CDC42EP3: variants seen among roughly 807,000 people sequenced by gnomAD.
CDC42EP3 encodes the protein CDC42 effector protein 3.
A neutral mutation model predicts 15.5 loss-of-function variants in CDC42EP3; 4 were observed. That is an observed-to-expected ratio of 0.26 (90% confidence interval 0.13 to 0.59). CDC42EP3 has a LOEUF of 0.59. Among genes scored for constraint, CDC42EP3 ranks in the 20% least tolerant of loss-of-function variants. CDC42EP3 has a pLI of 0.89. For synonymous variants in CDC42EP3, 145 were observed against 130.3 expected, an observed-to-expected ratio of 1.11 and a Z score of -0.77; for missense variants, 309 against 311.2, an observed-to-expected ratio of 0.99 and a Z score of 0.05.
chr2:37,642,711 T>C lies in CDC42EP3; in HGVS notation c.*3112A>G, dbSNP rs1359236438. The C allele has an allele frequency of 2.0e-5, 3 of 152,188 alleles. No homozygotes were observed. The allele number at this position is 152,188 out of a possible 1,614,324, so 9.4% of individuals were successfully genotyped here. A position where few individuals can be genotyped will look rare whatever the true frequency, so the allele number is the denominator to read the frequency against. ...GTTCTAAAATATTTATCAAGTTAAT[T>C]TATGGACTTATGGATTTTTTCCATT... is the stretch of plus-strand genomic sequence containing the variant. On this transcript the variant is annotated 3_prime_UTR_variant, in exon 2 of 2. Coordinates refer to ENST00000295324, the MANE Select transcript of CDC42EP3 (RefSeq NM_006449.5).
chr2:37,648,538 C>G (rs56344180), intron 1 of CDC42EP3, among the ~76,000 whole-genome samples: 1 of 152,114 alleles, frequency 6.6e-6, no homozygotes, highest in East Asian at 1.9e-4. Context: ...CAACCCAGGC[C>G]GGAGAAGGCT....
chr2:37,657,376 T>C (rs757622089), intron 1 of CDC42EP3, among the ~76,000 whole-genome samples: 9 of 152,186 alleles, frequency 5.9e-5, no homozygotes, highest in African/African-American at 9.7e-5. Flanking sequence ...TTGTATTATG[T>C]GATTTGTTGT....
At chr2:37,654,704 C>T (rs1665794425) in intron 1 of CDC42EP3, among the ~76,000 whole-genome samples, 1 of 152,178 alleles carries the variant, frequency 6.6e-6, no homozygotes, top group Non-Finnish European at 1.5e-5. Context: ...CCTTGTAGTC[C>T]CATGTCACTT....
intron 1 of CDC42EP3, among the ~76,000 whole-genome samples, chr2:37,651,278 CTAT>C (rs1199122384): frequency 1.4e-4 from 22 of 152,154 alleles, no homozygotes; most frequent in African/African-American, 5.1e-4. Context: ...AGAAATTTCA[CTAT>C]CCTTTTATGA....
At chr2:37,670,410 C>A (rs1666370559) in intron 1 of CDC42EP3, among the ~76,000 whole-genome samples, 1 of 152,136 alleles carries the variant, frequency 6.6e-6, no homozygotes, top group East Asian at 1.9e-4. Context: ...CAGCCCACTC[C>A]TCCAAATACG....
chr2:37,655,363 C>T (rs1665814500), intron 1 of CDC42EP3, among the ~76,000 whole-genome samples: 2 of 152,220 alleles, frequency 1.3e-5, no homozygotes, highest in Non-Finnish European at 2.9e-5. Flanking sequence ...ATGTGAGACT[C>T]AGTGCTAATT....
chr2:37,670,007 C>T (rs1666355460), intron 1 of CDC42EP3, among the ~76,000 whole-genome samples: 1 of 152,106 alleles, frequency 6.6e-6, no homozygotes, highest in African/African-American at 2.4e-5. Context: ...ACACAAATTG[C>T]AGGGGGTATG....
chr2:37,642,661 C>T lies in CDC42EP3; in HGVS notation c.*3162G>A, dbSNP rs1665306074. The T allele has an allele frequency of 6.6e-6, 1 of 152,206 alleles. No homozygotes were observed. 9.4% of individuals were successfully genotyped at this position (152,206 alleles called of 1,614,324 possible). ...TTCCATATTAGGAGGATTAGAACTA[C>T]ATCACTCAATATTTTCTTTTGTCTG... On this transcript the variant is annotated 3_prime_UTR_variant, in exon 2 of 2. Coordinates refer to ENST00000295324, the MANE Select transcript of CDC42EP3 (RefSeq NM_006449.5).
Position 37,646,182 on chromosome 2 carries a change from C to A in CDC42EP3, c.406G>T (p.Gly136Trp). Residue 136 changes from glycine to tryptophan, a missense_variant, in exon 2 of 2, where the codon GGG becomes TGG. Physicochemically the swap from Gly to Trp is radical, Grantham distance 184. Transcript: ENST00000295324. ...VTFNSKQESF[G>W]PAKLPRLSCE... is the part of the protein sequence containing the mutation. Reference sequence around the variant, plus strand: ...CTAAGCCTGGGCAGCTTTGCTGGCCCGAAGGACTCCTGTTTGGAATTAAAT... The same window carrying A: ...CTAAGCCTGGGCAGCTTTGCTGGCCAGAAGGACTCCTGTTTGGAATTAAAT... 1 of 1,614,102 alleles carries A rather than the reference C, an allele frequency of 6.2e-7. No individual in the cohort carries two copies. Among genetic ancestry groups the A allele is most frequent in the Non-Finnish European group, 8.5e-7 (1 of 1,180,014 alleles).
intron 1 of CDC42EP3, among the ~76,000 whole-genome samples, chr2:37,648,996 C>G (rs904900327): frequency 6.6e-6 from 1 of 151,762 alleles, no homozygotes; most frequent in Admixed American, 6.6e-5. Flanking sequence ...AACTCAAGGG[C>G]ATGCCAGGGC....
chr2:37,648,594 A>G (rs1383555123), intron 1 of CDC42EP3, among the ~76,000 whole-genome samples: 1 of 152,180 alleles, frequency 6.6e-6, no homozygotes, highest in Non-Finnish European at 1.5e-5. Context: ...GGCTTTGGGT[A>G]TGGGGAGGAG....
chr2:37,653,481 G>A (rs1054041892), intron 1 of CDC42EP3, among the ~76,000 whole-genome samples: 2 of 152,050 alleles, frequency 1.3e-5, no homozygotes, highest in Non-Finnish European at 2.9e-5. Flanking sequence ...AAACTGAAGC[G>A]GTGCTTTGCT....
Position 37,644,033 on chromosome 2 carries a change from T to C in CDC42EP3, c.*1790A>G, listed in dbSNP as rs1181376548. ...TTTATTTTTTTAAGCTCATCAACTATGGTTAGTGTTAGTGTGTTTTACATG... is the reference window on the plus strand; with the variant it reads ...TTTATTTTTTTAAGCTCATCAACTACGGTTAGTGTTAGTGTGTTTTACATG... On this transcript the variant is annotated 3_prime_UTR_variant, in exon 2 of 2. Coordinates refer to ENST00000295324, the MANE Select transcript of CDC42EP3 (RefSeq NM_006449.5). 4.6e-5 allele frequency: 7 copies of C among 151,238 alleles called. No homozygotes were observed. Among genetic ancestry groups the C allele is most frequent in the Admixed American group, 1.3e-4 (2 of 15,140 alleles). 9.4% of individuals were successfully genotyped at this position (151,238 alleles called of 1,614,324 possible).
intron 1 of CDC42EP3, among the ~76,000 whole-genome samples, chr2:37,665,182 C>T (rs1666211996): frequency 6.6e-6 from 1 of 151,928 alleles, no homozygotes; most frequent in African/African-American, 2.4e-5. Context: ...GGAGAAGATA[C>T]AAGACACTAT....
Position 37,646,578 on chromosome 2 carries a change from T to C in CDC42EP3, c.10A>G (p.Lys4Glu). Residue 4 changes from lysine to glutamate, a missense_variant, in exon 2 of 2, where the codon AAG becomes GAG. Physicochemically the swap from Lys to Glu is moderately conservative, Grantham distance 56. Transcript: ENST00000295324. ...GCTGCTTTCAGGTAAATTGGGGTCT[T>C]GGCTGGCATTTTGGAATTTGAGAAT... is the stretch of plus-strand genomic sequence containing the variant. MPA[K>E]TPIYLKAANN... 1 of 1,535,506 alleles carries C rather than the reference T, an allele frequency of 6.5e-7. No individual in the cohort carries two copies. The highest frequency in any genetic ancestry group is 8.7e-7 in the Non-Finnish European group (1 of 1,145,484).
At chr2:37,670,167 AG>A (rs1666361766) in intron 1 of CDC42EP3, among the ~76,000 whole-genome samples, 1 of 152,142 alleles carries the variant, frequency 6.6e-6, no homozygotes, top group Non-Finnish European at 1.5e-5. Flanking sequence ...GTTCCTGGTG[AG>A]TCTTTTTTCT....
rs1371726390 is a variant in CDC42EP3, at chr2:37,671,578, T to C, written c.-388A>G. On this transcript the variant is annotated 5_prime_UTR_variant, in exon 1 of 2. Coordinates refer to ENST00000295324, the MANE Select transcript of CDC42EP3 (RefSeq NM_006449.5). Reference sequence around the variant, plus strand: ...ACGGCGTGAAGGCGCCCCAGGCCGGTGGCCGGGTCTCCGGGCTAGCCCCGC... The same window carrying C: ...ACGGCGTGAAGGCGCCCCAGGCCGGCGGCCGGGTCTCCGGGCTAGCCCCGC... The C allele has an allele frequency of 6.6e-6, 1 of 151,912 alleles. No individual in the cohort carries two copies. Among genetic ancestry groups the C allele is most frequent in the Non-Finnish European group, 1.5e-5 (1 of 67,986 alleles). The allele number at this position is 151,912 out of a possible 1,614,324, so 9.4% of individuals were successfully genotyped here. A position where few individuals can be genotyped will look rare whatever the true frequency, so the allele number is the denominator to read the frequency against.
upstream of CDC42EP3, chr2:37,671,733 G>A (rs1326407536): frequency 6.7e-6 from 1 of 150,058 alleles, no homozygotes; most frequent in Non-Finnish European, 1.5e-5. Context: ...ACTGGGGCGG[G>A]GCGGAGGGCG....
chr2:37,648,276 C>G (rs956490435), intron 1 of CDC42EP3, among the ~76,000 whole-genome samples: 1 of 152,234 alleles, frequency 6.6e-6, no homozygotes, highest in African/African-American at 2.4e-5. Context: ...GCGCTCCTCC[C>G]ACTGGCTGCA....
Sources: allele counts gnomAD v4.1 joint callset (sites outside exome capture counted in the v4.1 genomes callset), GRCh38; gene constraint gnomAD v4.1.1; transcripts MANE v1.5; gene names NCBI Gene and HGNC (gene_info 2026-07-23, HGNC 2026-07-21).